The following MTMR10 variants were observed in gnomAD, a reference collection of about 807,000 sequenced individuals.
The protein encoded by MTMR10 is myotubularin related protein 10.
In MTMR10, 56 loss-of-function variants were observed where a neutral mutation model predicts 88.1. The ratio of observed to expected loss-of-function variants is 0.64; its 90% confidence interval spans 0.51 to 0.79. The LOEUF is 0.79. Ranked by LOEUF, MTMR10 falls within the 30% of genes least tolerant of loss-of-function variation. The probability of loss-of-function intolerance (pLI) is 0.00; values close to 1 mark genes in which losing one functional copy is unlikely to be tolerated. For synonymous variants in MTMR10, 380 were observed against 340.9 expected (o/e 1.11, Z -1.26); for missense variants, 883 against 924.7 (o/e 0.95, Z 0.58).
rs561360291 is a variant in MTMR10 at position 30,954,980 on chromosome 15, G to C, written c.936-87C>G. ...CTTACTATAGACCAGGGGATAGAGA[G>C]AGGAATGAGACAGGTAAGGTCTCTG... is the stretch of plus-strand genomic sequence containing the variant. On this transcript the variant is annotated intron_variant, in intron 9 of 15. Coordinates refer to ENST00000435680, the MANE Select transcript of MTMR10 (RefSeq NM_017762.3). The C allele has an allele frequency of 1.0e-4, 119 of 1,192,618 alleles. 1 individual carries two copies. The South Asian group carries it at 1.9e-3, about 19-fold the overall frequency. The allele number at this position is 1,192,618 out of a possible 1,614,324, so 73.9% of individuals were successfully genotyped here.
intron 2 of MTMR10, among the ~76,000 whole-genome samples, chr15:30,986,540 T>C (rs1338362336): frequency 2.6e-5 from 4 of 152,180 alleles, no homozygotes; most frequent in Non-Finnish European, 5.9e-5. Flanking sequence ...AAGCTACAGC[T>C]ATTATCACCA....
At chr15:30,984,485 A>T (rs530615541) in intron 2 of MTMR10, among the ~76,000 whole-genome samples, 1 of 152,364 alleles carries the variant, frequency 6.6e-6, no homozygotes, top group African/African-American at 2.4e-5. Context: ...CTACCTACAA[A>T]AAGGAATTAC....
the MTMR10 span, among the ~76,000 whole-genome samples, chr15:30,932,708 TTTC>T: frequency 0.014 from 1,611 of 113,852 alleles, 27 homozygotes; most frequent in Non-Finnish European, 0.016. Context: ...TTTATATTTG[TTTC>T]TTTTCTTTTT....
At chr15:30,948,796 A>G (rs1351514438) in intron 12 of MTMR10, 8 of 349,672 alleles carry the variant, frequency 2.3e-5, no homozygotes, top group Non-Finnish European at 3.6e-5. Context: ...CAAGGTATTA[A>G]GTATAAGGTA....
At chr15:30,929,087 G>T in the MTMR10 span, 1 of 870,868 alleles carries the variant, frequency 1.1e-6, no homozygotes. Flanking sequence ...CTTATCTTTT[G>T]AGAGAAAGAA....
intron 2 of MTMR10, 25 bp from the exon 3 acceptor site, chr15:30,976,980 A>G (rs2030199123): frequency 6.2e-7 from 1 of 1,606,596 alleles, no homozygotes; most frequent in African/African-American, 1.3e-5. Flanking sequence ...AAATATTTGT[A>G]AGGTACTTTG....
Position 30,991,620 on chromosome 15 carries a change from G to C in MTMR10, c.-114C>G, listed in dbSNP as rs1259305142. On this transcript the variant is annotated 5_prime_UTR_variant, in exon 1 of 16. Coordinates refer to ENST00000435680, the MANE Select transcript of MTMR10 (RefSeq NM_017762.3). Reference sequence around the variant, plus strand: ...GGCCCTTTCTGCGGCCAGCCGAGCCGGGCGGACTGACGGGCGGGGATACGG... The same window carrying C: ...GGCCCTTTCTGCGGCCAGCCGAGCCCGGCGGACTGACGGGCGGGGATACGG... 27 of 1,303,296 alleles carry C rather than the reference G, an allele frequency of 2.1e-5. No homozygotes were observed. The highest frequency in any genetic ancestry group is 2.6e-5 in the Non-Finnish European group (26 of 989,022). The allele number at this position is 1,303,296 out of a possible 1,614,324, so 80.7% of individuals were successfully genotyped here.
rs1595959208 is a variant in MTMR10, at chr15:30,991,600, T to C, written c.-94A>G. Reference sequence around the variant, plus strand: ...GCTCTCAGTGCGGCCGCCCAGGCCCTTTCTGCGGCCAGCCGAGCCGGGCGG... The same window carrying C: ...GCTCTCAGTGCGGCCGCCCAGGCCCCTTCTGCGGCCAGCCGAGCCGGGCGG... On this transcript the variant is annotated 5_prime_UTR_variant, in exon 1 of 16. Coordinates refer to ENST00000435680, the MANE Select transcript of MTMR10 (RefSeq NM_017762.3). 3.5e-6 allele frequency: 5 copies of C among 1,415,068 alleles called. No individual in the cohort carries two copies. The highest frequency in any genetic ancestry group is 1.5e-5 in the South Asian group (1 of 68,890). 87.7% of individuals were successfully genotyped at this position (1,415,068 alleles called of 1,614,324 possible).
intron 6 of MTMR10, among the ~76,000 whole-genome samples, chr15:30,967,409 C>T (rs993478740): frequency 1.6e-4 from 25 of 152,092 alleles, no homozygotes; most frequent in African/African-American, 2.9e-4. Flanking sequence ...ATATACTTGT[C>T]CTTGGAAAAA....
the MTMR10 span, among the ~76,000 whole-genome samples, chr15:30,923,487 C>A: frequency 6.6e-5 from 10 of 152,346 alleles, no homozygotes; most frequent in African/African-American, 2.4e-4. Flanking sequence ...TCCTCCTAAC[C>A]TCTGTTTCCA....
At chr15:30,919,795 C>T in the MTMR10 span, among the ~76,000 whole-genome samples, 1 of 151,802 alleles carries the variant, frequency 6.6e-6, no homozygotes, top group Admixed American at 6.6e-5. Flanking sequence ...GTTGTCTTTA[C>T]AGCAAATAGG....
chr15:30,949,210 G>C (rs532626653), intron 12 of MTMR10: 61 of 152,198 alleles, frequency 4.0e-4, no homozygotes, highest in African/African-American at 1.4e-3. Context: ...TATTTAAACT[G>C]ATCAGAGACA....
chr15:30,948,859 G>A, intron 12 of MTMR10: 1 of 224,638 alleles, frequency 4.5e-6, no homozygotes. Flanking sequence ...TGGGGAGAGT[G>A]GGACTGTTCA....
At chr15:30,990,919 T>A in intron 1 of MTMR10, 82 bp from the exon 2 acceptor site, 3 of 1,181,710 alleles carry the variant, frequency 2.5e-6, no homozygotes, top group Non-Finnish European at 3.6e-6. Context: ...GTTTTCTAAG[T>A]GATGACACAT....
intron 9 of MTMR10, among the ~76,000 whole-genome samples, chr15:30,957,827 G>GA (rs1490928927): frequency 6.6e-6 from 1 of 152,196 alleles, no homozygotes; most frequent in Admixed American, 6.5e-5. Context: ...AAACACCAGG[G>GA]AAAGTCCAGG....
intron 6 of MTMR10, among the ~76,000 whole-genome samples, chr15:30,966,205 C>A (rs2063470286): frequency 1.3e-5 from 2 of 152,126 alleles, no homozygotes; most frequent in South Asian, 4.1e-4. Flanking sequence ...CAAATTTTAT[C>A]AATAAGCTAT....
chr15:30,980,280 T>A (rs2030478998), intron 2 of MTMR10, among the ~76,000 whole-genome samples: 1 of 152,158 alleles, frequency 6.6e-6, no homozygotes, highest in African/African-American at 2.4e-5. Context: ...GCAAGTCAAG[T>A]CAAAAGATCC....
intron 2 of MTMR10, among the ~76,000 whole-genome samples, chr15:30,986,571 C>T (rs2030952714): frequency 1.3e-5 from 2 of 152,188 alleles, no homozygotes; most frequent in South Asian, 4.2e-4. Flanking sequence ...AAAAAAGTAT[C>T]TATTCCAAGT....
the MTMR10 span, among the ~76,000 whole-genome samples, chr15:30,922,059 C>T: frequency 6.6e-6 from 1 of 152,150 alleles, no homozygotes; most frequent in Non-Finnish European, 1.5e-5. Context: ...GAACTCATGC[C>T]CACTCCAGAA....
Sources: gnomAD v4.1 joint callset for allele counts (sites outside exome capture counted in the v4.1 genomes callset) on GRCh38, gnomAD v4.1.1 for gene constraint, MANE v1.5 for transcripts, NCBI Gene and HGNC (gene_info 2026-07-23, HGNC 2026-07-21) for gene names.